Variants in ZNF875 observed in about 807,000 individuals in gnomAD.
The protein encoded by ZNF875 is HKR1, GLI-Kruppel zinc finger family member.
A neutral mutation model predicts 11.2 loss-of-function variants in ZNF875; 14 were observed. The ratio of observed to expected loss-of-function variants is 1.26; its 90% CI spans 0.83 to 1.96. The LOEUF is 1.96. ZNF875 is among the 30% of genes most tolerant of loss of function. ZNF875 has a pLI of 0.00. For missense variants in ZNF875, 752 were observed against 760.4 expected (o/e 0.99, Z 0.13); for synonymous variants, 301 against 281.1 (o/e 1.07, Z -0.71).
Position 37,347,257 on chromosome 19 carries a change from C to G in ZNF875, c.101C>G (p.Ala34Gly). 1 of 1,614,028 alleles carries G rather than the reference C, an allele frequency of 6.2e-7. No homozygotes were observed. The highest frequency in any genetic ancestry group is 8.5e-7 in the Non-Finnish European group (1 of 1,179,912). ...TQEEWRLLSP[A>G]QRTLHREVML... The stretch of plus-strand genomic sequence containing the variant: ...GAGGAGTGGAGGTTGTTGAGCCCTG[C>G]TCAGAGGACCCTGCACAGGGAGGTG... The change falls in exon 3 of 5, where the codon GCT becomes GGT. Residue 34 changes from alanine to glycine, a missense_variant. By Grantham distance (60) the Ala-to-Gly change is moderately conservative. Coordinates refer to ENST00000392153, the MANE Select transcript of ZNF875 (RefSeq NM_001353803.2).
chr19:37,356,029 A>T (rs891752636), intron 4 of ZNF875, among the ~76,000 whole-genome samples: 1 of 152,078 alleles, frequency 6.6e-6, no homozygotes, highest in Non-Finnish European at 1.5e-5. Flanking sequence ...AACATAGGTT[A>T]TTTGATTTTC....
exon 1 of ZNF875, chr19:37,318,023 C>A (rs2030381595): frequency 6.4e-6 from 1 of 156,154 alleles, no homozygotes; most frequent in Admixed American, 6.5e-5. Flanking sequence ...AGCGTGGAGT[C>A]CTGGCCTTCA....
chr19:37,360,188 T>C (rs7247259), intron 4 of ZNF875, among the ~76,000 whole-genome samples: 41,791 of 152,044 alleles, frequency 0.27, 7,228 homozygotes, highest in African/African-American at 0.48. Context: ...GTATCCTTCC[T>C]CCCATTGAAT....
intron 1 of ZNF875, among the ~76,000 whole-genome samples, chr19:37,321,353 T>C (rs2031402545): frequency 1.3e-5 from 2 of 152,232 alleles, no homozygotes; most frequent in Non-Finnish European, 2.9e-5. Flanking sequence ...CCAAGATTTT[T>C]ATGTATGTGC....
chr19:37,344,324 C>T (rs534963416), intron 2 of ZNF875, among the ~76,000 whole-genome samples: 11 of 152,228 alleles, frequency 7.2e-5, no homozygotes, highest in South Asian at 4.1e-4. Flanking sequence ...GGGCTCCCCC[C>T]GCAATTTCTG....
At chr19:37,333,208 TTATCTC>T (rs993723190), upstream of ZNF875, among the ~76,000 whole-genome samples, 1 of 152,142 alleles carries the variant, frequency 6.6e-6, no homozygotes, top group Admixed American at 6.5e-5. Context: ...GTGATTTGGA[TTATCTC>T]AGGATCCCAC....
At chr19:37,334,812 C>T (rs1016143259) in intron 1 of ZNF875, 30 bp downstream of exon 1, 4 of 457,754 alleles carry the variant, frequency 8.7e-6, no homozygotes, top group Admixed American at 7.0e-5. Flanking sequence ...TCAGCATGCC[C>T]CTCTGCGTGT....
At chr19:37,327,262 G>A (rs948951256) in intron 4 of ZNF875, among the ~76,000 whole-genome samples, 5 of 151,862 alleles carry the variant, frequency 3.3e-5, no homozygotes, top group African/African-American at 1.2e-4. Flanking sequence ...CAAAATGCTG[G>A]TATTACAGGC....
chr19:37,317,943 C>G (rs766110733), exon 1 of ZNF875: 1 of 155,180 alleles, frequency 6.4e-6, no homozygotes, highest in Non-Finnish European at 1.4e-5. Flanking sequence ...TGCACAGTGG[C>G]CAGTGTGATT....
upstream of ZNF875, among the ~76,000 whole-genome samples, chr19:37,332,006 C>T (rs1398914815): frequency 4.1e-5 from 5 of 121,310 alleles, no homozygotes; most frequent in African/African-American, 2.9e-5. Flanking sequence ...GTGGGACCTG[C>T]GGGCAGCAAT....
chr19:37,325,806 G>T (rs1054984138), intron 4 of ZNF875, among the ~76,000 whole-genome samples: 4 of 151,882 alleles, frequency 2.6e-5, no homozygotes, highest in Non-Finnish European at 5.9e-5. Context: ...ATCTGGGGCC[G>T]AAATGATCCT....
intron 4 of ZNF875, among the ~76,000 whole-genome samples, chr19:37,352,425 G>T (rs1037854900): frequency 6.6e-6 from 1 of 151,924 alleles, no homozygotes; most frequent in Non-Finnish European, 1.5e-5. Flanking sequence ...CCTATTTTTA[G>T]TAGAGACAGG....
At chr19:37,350,799 C>CTTTTTTTTTT (rs61142979) in intron 4 of ZNF875, among the ~76,000 whole-genome samples, 1 of 91,246 alleles carries the variant, frequency 1.1e-5, no homozygotes, top group Non-Finnish European at 2.1e-5. Context: ...ATTCTTTTTG[C>CTTTTTTTTTT]TTTTTTTTTT....
intron 4 of ZNF875, among the ~76,000 whole-genome samples, chr19:37,361,687 G>A (rs1450193104): frequency 6.6e-6 from 1 of 152,096 alleles, no homozygotes; most frequent in African/African-American, 2.4e-5. Context: ...ACTTTGGGAG[G>A]CTTAGGCTGA....
chr19:37,334,599 A>C, upstream of ZNF875: 1 of 435,442 alleles, frequency 2.3e-6, no homozygotes, highest in Admixed American at 2.5e-5. Context: ...CTCTGCGGTC[A>C]CTTCCGCTCC....
At chr19:37,340,336 G>T (rs1191049420) in intron 2 of ZNF875, among the ~76,000 whole-genome samples, 1 of 152,118 alleles carries the variant, frequency 6.6e-6, no homozygotes, top group Non-Finnish European at 1.5e-5. Context: ...TGCAGATTTT[G>T]ATTACCGGGG....
intron 4 of ZNF875, among the ~76,000 whole-genome samples, chr19:37,324,517 T>C (rs1184446715): frequency 1.3e-5 from 2 of 152,308 alleles, no homozygotes; most frequent in African/African-American, 4.8e-5. Flanking sequence ...TAAAGTCTTA[T>C]AGGCTTCTTC....
At chr19:37,322,333 A>G (rs1333578431) in intron 2 of ZNF875, 1 of 152,192 alleles carries the variant, frequency 6.6e-6, no homozygotes, top group Non-Finnish European at 1.5e-5. Flanking sequence ...ATTCTCATAG[A>G]TTCTCAGGGA....
chr19:37,324,551 A>G (rs922329166), intron 4 of ZNF875, among the ~76,000 whole-genome samples: 4 of 152,204 alleles, frequency 2.6e-5, no homozygotes. Context: ...AGTTCCTGTC[A>G]GAGAAAAACC....
Sources: gnomAD v4.1 joint callset for allele counts (sites outside exome capture counted in the v4.1 genomes callset) on GRCh38, gnomAD v4.1.1 for gene constraint, MANE v1.5 for transcripts, NCBI Gene and HGNC (gene_info 2026-07-23, HGNC 2026-07-21) for gene names.